Variants in PDK1 observed in about 807,000 individuals in gnomAD.
The protein encoded by PDK1 is [Pyruvate dehydrogenase (acetyl-transferring)] kinase isozyme 1, mitochondrial.
PDK1 carries 39 observed loss-of-function variants against 54.2 expected under a neutral mutation model. That is an observed-to-expected ratio of 0.72 (90% CI 0.56 to 0.94). The LOEUF (loss-of-function observed/expected upper bound fraction) is 0.94, where lower values mean the gene tolerates loss of function less well. PDK1 is among the 40% of genes least tolerant of loss of function. The pLI, the probability that PDK1 is intolerant of heterozygous loss-of-function variation, is 0.00. For missense variants in PDK1, 552 were observed against 566.0 expected, an observed-to-expected ratio of 0.98 and a Z score of 0.25; for synonymous variants, 221 against 207.1, an observed-to-expected ratio of 1.07 and a Z score of -0.58.
chr2:172,704,079 T>C, the PDK1 span, among the ~76,000 whole-genome samples: 1 of 152,270 alleles, frequency 6.6e-6, no homozygotes, highest in African/African-American at 2.4e-5. Context: ...CGGCCTACTT[T>C]TTCTCTTGTA....
chr2:172,576,268 T>C (rs151296755), intron 8 of PDK1, among the ~76,000 whole-genome samples: 2,372 of 152,274 alleles, frequency 0.016, 25 homozygotes, highest in South Asian at 0.048. Flanking sequence ...TTCATTTAGG[T>C]TATCTAATTA....
chr2:172,699,864 G>C, the PDK1 span, among the ~76,000 whole-genome samples: 33 of 151,982 alleles, frequency 2.2e-4, no homozygotes, highest in Admixed American at 2.2e-3. Flanking sequence ...ATAAACATGT[G>C]AACAAAGGTC....
chr2:172,571,957 G>A (rs942341016), intron 8 of PDK1, among the ~76,000 whole-genome samples: 2 of 147,076 alleles, frequency 1.4e-5, no homozygotes, highest in African/African-American at 2.5e-5. Context: ...TCAGCCTCCC[G>A]AGTAGCTGGG....
rs764309021 is a variant in PDK1, at chr2:172,564,682, A to C, written c.590A>C (p.Gln197Pro). 6.2e-7 allele frequency: 1 copy of C among 1,612,090 alleles called. No homozygotes were observed. Among genetic ancestry groups the C allele is most frequent in the African/African-American group, 1.3e-5 (1 of 74,916 alleles). The change falls in exon 4 of 11, where the codon CAG becomes CCG. Residue 197 changes from glutamine to proline, a missense_variant. Coordinates refer to ENST00000282077, the MANE Select transcript of PDK1 (RefSeq NM_002610.5). Reference sequence around the variant, plus strand: ...ATTTCAATTAGAATGTTACTCAATCAGCACTGTAAGTGTCCCTCATGAGTC... The same window carrying C: ...ATTTCAATTAGAATGTTACTCAATCCGCACTGTAAGTGTCCCTCATGAGTC... ...SRISIRMLLN[Q>P]HSLLFGGKGK...
the PDK1 span, among the ~76,000 whole-genome samples, chr2:172,705,803 G>C: frequency 2.6e-5 from 4 of 152,204 alleles, no homozygotes; most frequent in Non-Finnish European, 5.9e-5. Flanking sequence ...TTGCTCTATA[G>C]TTTAAGTTAA....
At chr2:172,666,712 G>A in the PDK1 span, among the ~76,000 whole-genome samples, 827 of 152,256 alleles carry the variant, frequency 5.4e-3, 8 homozygotes, top group African/African-American at 0.019. Context: ...GTAGGTGACC[G>A]GGGTGACTAA....
the PDK1 span, among the ~76,000 whole-genome samples, chr2:172,613,990 C>T: frequency 6.6e-6 from 1 of 152,096 alleles, no homozygotes; most frequent in Admixed American, 6.5e-5. Flanking sequence ...CTGCAGCTGC[C>T]GCACCCACAG....
intron 3 of PDK1, chr2:172,564,230 AT>A: frequency 2.0e-6 from 1 of 490,442 alleles, no homozygotes. Flanking sequence ...AACCATTAAC[AT>A]TTTTTGGATT....
the PDK1 span, among the ~76,000 whole-genome samples, chr2:172,664,379 G>A: frequency 3.5e-5 from 5 of 143,084 alleles, no homozygotes; most frequent in Non-Finnish European, 7.5e-5. Flanking sequence ...TCTGATGCCA[G>A]TCTAATTCTT....
chr2:172,637,681 G>C, the PDK1 span, among the ~76,000 whole-genome samples: 1 of 151,772 alleles, frequency 6.6e-6, no homozygotes, highest in South Asian at 2.1e-4. Flanking sequence ...ACATCAATAG[G>C]CTGCATTTAT....
the PDK1 span, among the ~76,000 whole-genome samples, chr2:172,623,672 G>T: frequency 6.6e-6 from 1 of 152,174 alleles, no homozygotes; most frequent in South Asian, 2.1e-4. Context: ...ACTAAACTTA[G>T]CTTTTCTCCA....
the PDK1 span, among the ~76,000 whole-genome samples, chr2:172,706,033 A>G: frequency 3.2e-3 from 494 of 152,330 alleles, 5 homozygotes; most frequent in African/African-American, 0.011. Flanking sequence ...TAAGATCTAT[A>G]GTATGTCAGT....
At chr2:172,625,598 A>C in the PDK1 span, among the ~76,000 whole-genome samples, 3 of 152,046 alleles carry the variant, frequency 2.0e-5, no homozygotes, top group African/African-American at 7.2e-5. Context: ...CTCTGTGTAA[A>C]TATTCCTTTA....
the PDK1 span, among the ~76,000 whole-genome samples, chr2:172,666,967 T>C: frequency 6.6e-6 from 1 of 152,166 alleles, no homozygotes. Flanking sequence ...GAAAGAAATT[T>C]TAATTTTTTA....
chr2:172,657,141 A>G, the PDK1 span, among the ~76,000 whole-genome samples: 1 of 152,022 alleles, frequency 6.6e-6, no homozygotes, highest in Admixed American at 6.6e-5. Flanking sequence ...TGTGACCTCA[A>G]TTCTCTGATG....
chr2:172,706,951 G>A, the PDK1 span, among the ~76,000 whole-genome samples: 3 of 152,138 alleles, frequency 2.0e-5, no homozygotes, highest in Non-Finnish European at 4.4e-5. Context: ...TGAGGTGGGA[G>A]TTCCAGCTCC....
At chr2:172,719,724 GT>G in the PDK1 span, among the ~76,000 whole-genome samples, 2 of 150,804 alleles carry the variant, frequency 1.3e-5, no homozygotes, top group African/African-American at 4.9e-5. Flanking sequence ...TTTTCTTACA[GT>G]TTTCATCTCT....
intron 8 of PDK1, among the ~76,000 whole-genome samples, chr2:172,582,845 G>A (rs537551902): frequency 6.6e-6 from 1 of 152,294 alleles, no homozygotes; most frequent in East Asian, 1.9e-4. Flanking sequence ...CTCTATTCCT[G>A]TGGCTTAGTT....
intron 1 of PDK1, 187 bp downstream of exon 1, chr2:172,556,533 GTA>G: frequency 2.2e-6 from 1 of 451,046 alleles, no homozygotes; most frequent in Non-Finnish European, 3.8e-6. Context: ...GGCTGGCGGC[GTA>G]AATAACGGTG....
Sources: gnomAD v4.1 joint callset for allele counts (sites outside exome capture counted in the v4.1 genomes callset) on GRCh38, gnomAD v4.1.1 for gene constraint, MANE v1.5 for transcripts, NCBI Gene and HGNC (gene_info 2026-07-23, HGNC 2026-07-21) for gene names.